RUNX2: variants seen among roughly 807,000 people sequenced by gnomAD.
The protein encoded by RUNX2 is RUNX family transcription factor 2, also known as runt-related transcription factor 2.
A neutral mutation model predicts 51.7 loss-of-function variants in RUNX2; 10 were observed. The observed-to-expected ratio is 0.19, with a 90% CI of 0.12 to 0.33. The LOEUF (loss-of-function observed/expected upper bound fraction) is 0.33. Ranked by LOEUF, RUNX2 falls within the 10% of genes least tolerant of loss-of-function variation. RUNX2 has a pLI of 1.00. For missense variants in RUNX2, 562 were observed against 691.3 expected (o/e 0.81, Z 2.10); for synonymous variants, 276 against 273.6 (o/e 1.01, Z -0.09).
intron 2 of RUNX2, chr6:45,371,778 T>C (rs989591032): frequency 1.0e-6 from 1 of 954,302 alleles, no homozygotes; most frequent in African/African-American, 1.8e-5. Context: ...TAAGCAACTA[T>C]AACAGACAAA....
At chr6:45,459,446 A>G (rs1263193352) in intron 5 of RUNX2, among the ~76,000 whole-genome samples, 3 of 152,226 alleles carry the variant, frequency 2.0e-5, no homozygotes, top group African/African-American at 7.2e-5. Flanking sequence ...CCAGCTACAC[A>G]CAAGTTTGGA....
chr6:45,465,191 C>G (rs1582139931), intron 5 of RUNX2, among the ~76,000 whole-genome samples: 1 of 152,092 alleles, frequency 6.6e-6, no homozygotes, highest in Admixed American at 6.5e-5. Flanking sequence ...GCCAATCCAT[C>G]CATTTCTTGT....
Position 45,476,705 on chromosome 6 carries a change from C to G in RUNX2, c.686-15236C>G, listed in dbSNP as rs114700022. Among the ~76,000 whole-genome samples, 1,369 of 152,296 alleles carry G rather than the reference C, an allele frequency of 9.0e-3. 21 individuals carry two copies. Among genetic ancestry groups the G allele is most frequent in the African/African-American group, 0.031 (1,280 of 41,566 alleles). The stretch of plus-strand genomic sequence containing the variant: ...TAGTGTTAAGAAATAAAAGTTTATA[C>G]TGCGACCTGGTATATAAAATTATAG... On this transcript the variant is annotated intron_variant, in intron 5 of 8. Transcript: ENST00000647337.
At chr6:45,540,025 T>G (rs1394670718) in intron 7 of RUNX2, among the ~76,000 whole-genome samples, 2 of 152,126 alleles carry the variant, frequency 1.3e-5, no homozygotes, top group African/African-American at 4.8e-5. Context: ...CTCGCTTACT[T>G]TGGTCTGGCA....
At position 45,443,566 on chromosome 6, in the gene RUNX2, C is replaced by CT. The variant is rs773997576; in HGVS notation, c.685+5519dup. On this transcript the variant is annotated intron_variant, in intron 5 of 8. Coordinates refer to ENST00000647337, the MANE Select transcript of RUNX2 (RefSeq NM_001024630.4). ...CATTGTCACAACAGGAAAAATAATT[C>CT]TTTTCAAGGTGCCATCTTCTGAAAG... 5.7e-4 allele frequency among the ~76,000 whole-genome samples: 86 copies of CT among 152,194 alleles called. 1 individual carries two copies. Among genetic ancestry groups the CT allele is most frequent in the Non-Finnish European group, 6.8e-4 (46 of 68,026 alleles).
chr6:45,470,656 T>A (rs1406927493), intron 5 of RUNX2, among the ~76,000 whole-genome samples: 2 of 152,218 alleles, frequency 1.3e-5, no homozygotes, highest in African/African-American at 4.8e-5. Flanking sequence ...GTCCTTTCTT[T>A]GGTACCGGAA....
chr6:45,515,703 T>G (rs1341121901), intron 7 of RUNX2, among the ~76,000 whole-genome samples: 1 of 152,156 alleles, frequency 6.6e-6, no homozygotes, highest in Non-Finnish European at 1.5e-5. Context: ...ATGTTTCCCA[T>G]TATTATTATT....
At chr6:45,471,564 C>T (rs1799803323) in intron 5 of RUNX2, among the ~76,000 whole-genome samples, 1 of 151,844 alleles carries the variant, frequency 6.6e-6, no homozygotes, top group South Asian at 2.1e-4. Flanking sequence ...CCTGCCTCAG[C>T]CTCCCCAGCA....
intron 6 of RUNX2, among the ~76,000 whole-genome samples, chr6:45,506,198 C>A (rs1163294903): frequency 6.6e-6 from 1 of 152,154 alleles, no homozygotes; most frequent in African/African-American, 2.4e-5. Context: ...ATCCTCAGGG[C>A]CCGCAGGAGC....
chr6:45,398,108 T>C (rs1281207179), intron 2 of RUNX2, among the ~76,000 whole-genome samples: 1 of 152,234 alleles, frequency 6.6e-6, no homozygotes, highest in Non-Finnish European at 1.5e-5. Context: ...ACATAGAATA[T>C]AGCAGTTAAG....
intron 5 of RUNX2, among the ~76,000 whole-genome samples, chr6:45,475,239 C>T (rs1257314236): frequency 1.3e-5 from 2 of 151,750 alleles, no homozygotes. Flanking sequence ...AAGAAAGTGG[C>T]AACTGGAGTG....
At chr6:45,466,109 T>C (rs1007922237) in intron 5 of RUNX2, among the ~76,000 whole-genome samples, 7 of 151,110 alleles carry the variant, frequency 4.6e-5, no homozygotes, top group East Asian at 1.9e-4. Flanking sequence ...AGGCGGGGAG[T>C]TCGAGACCAA....
intron 2 of RUNX2, among the ~76,000 whole-genome samples, chr6:45,393,894 G>T (rs1438199563): frequency 6.6e-6 from 1 of 151,562 alleles, no homozygotes; most frequent in Non-Finnish European, 1.5e-5. Context: ...GACAGCAGGA[G>T]TAGGGTTGGG....
intron 2 of RUNX2, among the ~76,000 whole-genome samples, chr6:45,380,737 C>T (rs187327715): frequency 5.3e-4 from 81 of 152,248 alleles, no homozygotes; most frequent in Admixed American, 2.0e-3. Flanking sequence ...CCACCACGCC[C>T]GGGTAATTTT....
At chr6:45,479,226 T>A (rs1317395456) in intron 5 of RUNX2, among the ~76,000 whole-genome samples, 2 of 152,230 alleles carry the variant, frequency 1.3e-5, no homozygotes, top group Admixed American at 6.5e-5. Context: ...ATAATATTCT[T>A]TCAGGGATTA....
At chr6:45,454,276 G>T (rs1799259421) in intron 5 of RUNX2, among the ~76,000 whole-genome samples, 1 of 152,172 alleles carries the variant, frequency 6.6e-6, no homozygotes. Context: ...CTGTGGTATG[G>T]AGGCACCATT....
chr6:45,533,888 CTT>C (rs553154980), intron 7 of RUNX2, among the ~76,000 whole-genome samples: 244 of 108,052 alleles, frequency 2.3e-3, no homozygotes, highest in African/African-American at 5.7e-3. Flanking sequence ...CCTGTTGAGA[CTT>C]TTTTTTTTTT....
intron 7 of RUNX2, among the ~76,000 whole-genome samples, chr6:45,544,964 CAG>C (rs1802351720): frequency 6.6e-6 from 1 of 152,158 alleles, no homozygotes; most frequent in Non-Finnish European, 1.5e-5. Context: ...TTATAAAAAG[CAG>C]AGAGTGACTG....
chr6:45,375,824 T>C (rs1796700254), intron 2 of RUNX2, among the ~76,000 whole-genome samples: 2 of 150,920 alleles, frequency 1.3e-5, no homozygotes, highest in South Asian at 4.2e-4. Flanking sequence ...ATACACTTGC[T>C]TTAAAAAAAA....
Sources: allele counts gnomAD v4.1 joint callset (sites outside exome capture counted in the v4.1 genomes callset), GRCh38; gene constraint gnomAD v4.1.1; transcripts MANE v1.5; gene names NCBI Gene and HGNC (gene_info 2026-07-23, HGNC 2026-07-21).